Variants in PRKAG3 observed in about 807,000 individuals in gnomAD.
The protein encoded by PRKAG3 is protein kinase AMP-activated non-catalytic subunit gamma 3.
Under a neutral mutation model 56.5 loss-of-function variants are expected in PRKAG3, and 39 were observed. The observed-to-expected ratio is 0.69, with a 90% confidence interval of 0.53 to 0.90. PRKAG3 has a LOEUF of 0.90. Among genes scored for constraint, PRKAG3 ranks in the 40% least tolerant of loss-of-function variants. The pLI is 0.00. For synonymous variants in PRKAG3, 243 were observed against 250.1 expected, an observed-to-expected ratio of 0.97 and a Z score of 0.27; for missense variants, 628 against 627.5, an observed-to-expected ratio of 1.00 and a Z score of -0.01.
chr2:218,824,526 C>T lies in PRKAG3; in HGVS notation c.1206+13G>A. The T allele has an allele frequency of 3.1e-6, 5 of 1,611,610 alleles. No individual in the cohort carries two copies. Among genetic ancestry groups the T allele is most frequent in the Non-Finnish European group, 4.2e-6 (5 of 1,177,708 alleles). On this transcript the variant is annotated intron_variant, in intron 11 of 12. Transcript: ENST00000529249. ...GCCTCCCTGCAGCATCCCACCTTTC[C>T]AGCGACACTTACAATCACATCAAAG...
intron 12 of PRKAG3, 144 bp downstream of exon 12, chr2:218,824,078 C>G: frequency 7.2e-7 from 1 of 1,387,718 alleles, no homozygotes; most frequent in Non-Finnish European, 1.0e-6. Context: ...TGGACAGGAC[C>G]AGGTGCAGGC....
intron 5 of PRKAG3, 134 bp downstream of exon 5, chr2:218,828,385 C>T (rs1943968737): frequency 1.0e-6 from 1 of 976,406 alleles, no homozygotes. Flanking sequence ...GATGGACTTT[C>T]CTCCACCCTG....
intron 10 of PRKAG3, among the ~76,000 whole-genome samples, chr2:218,825,813 G>A (rs1943924035): frequency 6.7e-6 from 1 of 148,420 alleles, no homozygotes; most frequent in African/African-American, 2.5e-5. Context: ...CTGGAGTACA[G>A]TGGCGCGATC....
exon 13 of PRKAG3, chr2:218,823,651 T>G: frequency 6.3e-7 from 1 of 1,594,526 alleles, no homozygotes; most frequent in Non-Finnish European, 8.5e-7. Flanking sequence ...CCTACCTGAA[T>G]CATAGCTGAA....
At chr2:218,826,775 C>T in intron 10 of PRKAG3, 153 bp downstream of exon 10, 1 of 998,120 alleles carries the variant, frequency 1.0e-6, no homozygotes, top group Non-Finnish European at 1.5e-6. Context: ...AGCAACTTGC[C>T]CAAGTCTCAG....
At chr2:218,830,526 C>T in intron 3 of PRKAG3, 145 bp from the exon 4 acceptor site, 1 of 1,224,454 alleles carries the variant, frequency 8.2e-7, no homozygotes, top group Non-Finnish European at 1.1e-6. Flanking sequence ...CTGAGAGTCG[C>T]CCCAGGTAGT....
chr2:218,823,074 AG>A, downstream of PRKAG3: 1 of 955,960 alleles, frequency 1.0e-6, no homozygotes, highest in Non-Finnish European at 1.2e-6. Flanking sequence ...GGGCTGAAGA[AG>A]CCTGTGGGGA....
intron 2 of PRKAG3, among the ~76,000 whole-genome samples, chr2:218,831,131 G>A (rs185590007): frequency 3.3e-5 from 5 of 152,288 alleles, no homozygotes; most frequent in African/African-American, 1.2e-4. Flanking sequence ...AAATCACACA[G>A]CAAGTAAGTG....
At chr2:218,823,679 G>A (rs895522769) in exon 13 of PRKAG3, 5 of 1,605,072 alleles carry the variant, frequency 3.1e-6, no homozygotes, top group Non-Finnish European at 4.2e-6. Context: ...ATGGGGGTGG[G>A]GGAAGATGAA....
intron 1 of PRKAG3, 46 bp from the exon 2 acceptor site, chr2:218,831,421 T>G (rs1291032340): frequency 6.5e-7 from 1 of 1,527,190 alleles, no homozygotes; most frequent in African/African-American, 1.4e-5. Flanking sequence ...GTGCCTTACA[T>G]TCCCAAACCC....
chr2:218,828,111 G>T, intron 5 of PRKAG3, 49 bp from the exon 6 acceptor site: 1 of 1,495,334 alleles, frequency 6.7e-7, no homozygotes, highest in Non-Finnish European at 9.1e-7. Context: ...TTGGGTGGAA[G>T]GCAGGTTGAG....
Position 218,824,353 on chromosome 2 carries a change from G to A in PRKAG3, c.1222C>T (p.Gln408Ter), listed in dbSNP as rs754284790. The change falls in exon 12 of 13, where the codon CAA becomes TAA. Residue 408 changes from glutamine (Q) to a stop codon, truncating the protein, a stop_gained. Transcript: ENST00000529249. LOFTEE classifies it high-confidence loss of function. ...CTCATGTCCAGGTGGTTGTAGGTTT[G>A]CTGGGCAGCCAGGTGCTGGGGCAGA... The A allele has an allele frequency of 1.2e-6, 2 of 1,614,080 alleles. No homozygotes were observed. The highest frequency in any genetic ancestry group is 2.2e-5 in the East Asian group (1 of 44,878).
chr2:218,828,350 C>A (rs1943967701), intron 5 of PRKAG3, among the ~76,000 whole-genome samples, 169 bp downstream of exon 5: 1 of 152,226 alleles, frequency 6.6e-6, no homozygotes, highest in South Asian at 2.1e-4. Flanking sequence ...GCCCCAGGGT[C>A]TCCCAGCTGG....
In PRKAG3 at chr2:218,827,889, C is replaced by T. The variant is rs374274217; in HGVS notation, c.775-11G>A. 124 of 1,613,886 alleles carry T rather than the reference C, an allele frequency of 7.7e-5. No homozygotes were observed. Among genetic ancestry groups the T allele is most frequent in the Non-Finnish European group, 9.7e-5 (114 of 1,179,954 alleles). ...CTCATAGATCTGGACCTAGAGACAT[C>T]GACAGGACTCCAGAAGTCAGAAAGA... On this transcript the variant is annotated splice_polypyrimidine_tract_variant and intron_variant, in intron 6 of 12. Coordinates refer to ENST00000529249, the Ensembl canonical transcript of PRKAG3. This position sits in a 1 kb window ranked among gnomAD's most constrained non-coding sequence, Gnocchi z 5.3.
chr2:218,822,488 T>A (rs1216396714), downstream of PRKAG3: 1 of 152,222 alleles, frequency 6.6e-6, no homozygotes, highest in Non-Finnish European at 1.5e-5. Context: ...CTGCAGCATT[T>A]TGAGTGAAAC....
In PRKAG3 at chr2:218,823,854, C is replaced by A. The variant is rs139282037; in HGVS notation, c.1378G>T (p.Glu460Ter). The A allele has an allele frequency of 1.2e-6, 2 of 1,614,058 alleles. No homozygotes were observed. Among genetic ancestry groups the A allele is most frequent in the East Asian group, 4.5e-5 (2 of 44,880 alleles). The change falls in exon 13 of 13, where the codon GAG becomes TAG. Residue 460 changes from glutamate (E) to a stop codon, truncating the protein, a stop_gained. Coordinates refer to ENST00000529249, the Ensembl canonical transcript of PRKAG3. LOFTEE classifies it high-confidence loss of function. ...ACCACGCCCAAGAGATGCTGGGTCT[C>A]GTCCACTAGCACCAGCCTGTGTACC...
chr2:218,826,776 C>G (rs141905498), intron 10 of PRKAG3, 152 bp downstream of exon 10: 2 of 1,008,364 alleles, frequency 2.0e-6, no homozygotes. Context: ...GCAACTTGCC[C>G]AAGTCTCAGA....
At chr2:218,825,981 G>T (rs373267145) in intron 10 of PRKAG3, among the ~76,000 whole-genome samples, 1 of 151,966 alleles carries the variant, frequency 6.6e-6, no homozygotes, top group South Asian at 2.1e-4. Context: ...GGATAGTCTC[G>T]ATCTCTTGAC....
At chr2:218,831,190 T>C (rs1175993556) in intron 2 of PRKAG3, 146 bp downstream of exon 2, 1 of 724,722 alleles carries the variant, frequency 1.4e-6, no homozygotes, top group East Asian at 2.7e-5. Context: ...GAAACACACC[T>C]GGGGAAAGGA....
Sources: allele counts gnomAD v4.1 joint callset (sites outside exome capture counted in the v4.1 genomes callset), GRCh38; gene constraint gnomAD v4.1.1; non-coding constraint Gnocchi (gnomAD v3.1); transcripts MANE v1.5; gene names NCBI Gene and HGNC (gene_info 2026-07-23, HGNC 2026-07-21).